GLI3: variants seen among roughly 807,000 people sequenced by gnomAD.
GLI3 encodes transcription activator GLI3.
A neutral mutation model predicts 100.8 loss-of-function variants in GLI3; 20 were observed. That is an observed-to-expected ratio of 0.20 (90% CI 0.14 to 0.29). The LOEUF (loss-of-function observed/expected upper bound fraction) is 0.29. GLI3 is among the 10% of genes least tolerant of loss of function. GLI3 has a pLI of 1.00. For missense variants in GLI3, 2,040 were observed against 2,128.5 expected (o/e 0.96, Z 0.82); for synonymous variants, 938 against 860.5 (o/e 1.09, Z -1.58).
chr7:42,165,213 A>G (rs992328463), intron 2 of GLI3, among the ~76,000 whole-genome samples: 1 of 151,826 alleles, frequency 6.6e-6, no homozygotes, highest in Admixed American at 6.6e-5. Context: ...ATCACTATTG[A>G]GTAGGGTGCG....
chr7:42,189,943 A>C lies in GLI3; in HGVS notation c.124+33187T>G, dbSNP rs553701398. Among the ~76,000 whole-genome samples the C allele has an allele frequency of 8.4e-4, 127 of 151,354 alleles. 1 individual carries two copies. The highest frequency in any genetic ancestry group is 4.4e-3 in the South Asian group (21 of 4,790). ...ATCCTATAATGAACATTCATGCCCA[A>C]GCAACACATATATGTGTGCATGGGC... On this transcript the variant is annotated intron_variant, in intron 2 of 14. Coordinates refer to ENST00000395925, the MANE Select transcript of GLI3 (RefSeq NM_000168.6).
At chr7:42,020,889 CAAAAAAAAAAAAAAA>C (rs371389453) in intron 10 of GLI3, among the ~76,000 whole-genome samples, 17 of 113,110 alleles carry the variant, frequency 1.5e-4, no homozygotes, top group Admixed American at 1.8e-4. Flanking sequence ...GACTCCGTCT[CAAAAAAAAAAAAAAA>C]AAAAAAAAAA....
At chr7:42,148,497 T>C in intron 2 of GLI3, 29 bp from the exon 3 acceptor site, 2 of 1,600,822 alleles carry the variant, frequency 1.2e-6, no homozygotes, top group Admixed American at 1.7e-5. Context: ...TGAAAGACTC[T>C]GTAAACTACT....
At chr7:42,071,693 A>G (rs1043694973) in intron 4 of GLI3, among the ~76,000 whole-genome samples, 2 of 152,190 alleles carry the variant, frequency 1.3e-5, no homozygotes, top group African/African-American at 2.4e-5. Context: ...ACCTTTTCTT[A>G]GAGCTTTTTC....
At chr7:42,164,712 C>A (rs1488054631) in intron 2 of GLI3, among the ~76,000 whole-genome samples, 3 of 151,454 alleles carry the variant, frequency 2.0e-5, no homozygotes, top group Non-Finnish European at 4.4e-5. Flanking sequence ...TGGCTGTAGT[C>A]CCAGCTATTC....
intron 1 of GLI3, among the ~76,000 whole-genome samples, chr7:42,249,907 C>G (rs969599948): frequency 1.3e-5 from 2 of 152,050 alleles, no homozygotes; most frequent in African/African-American, 4.8e-5. Context: ...TCACCCTGGG[C>G]AACATGATGA....
chr7:42,081,348 T>C (rs1294803329), intron 3 of GLI3, among the ~76,000 whole-genome samples: 1 of 152,226 alleles, frequency 6.6e-6, no homozygotes, highest in Non-Finnish European at 1.5e-5. Context: ...TTGACTATTG[T>C]ACCCGAGTCC....
chr7:41,978,769 G>C (rs778570328), intron 10 of GLI3, 21 bp from the exon 11 acceptor site: 1 of 1,610,852 alleles, frequency 6.2e-7, no homozygotes, highest in Non-Finnish European at 8.5e-7. Context: ...GAAAAAGAGA[G>C]AGAAATCAAA....
intron 7 of GLI3, among the ~76,000 whole-genome samples, chr7:42,027,717 C>A (rs1471765879): frequency 1.3e-5 from 2 of 152,172 alleles, no homozygotes; most frequent in African/African-American, 4.8e-5. Flanking sequence ...CCATTTAAGA[C>A]TGAATATCAT....
intron 2 of GLI3, among the ~76,000 whole-genome samples, chr7:42,200,839 T>G (rs1475579480): frequency 6.6e-6 from 1 of 152,064 alleles, no homozygotes; most frequent in Non-Finnish European, 1.5e-5. Context: ...GTGGATTGGT[T>G]AAACCTGAGC....
chr7:42,002,801 T>C (rs1370452352), intron 10 of GLI3, among the ~76,000 whole-genome samples: 1 of 152,234 alleles, frequency 6.6e-6, no homozygotes, highest in Non-Finnish European at 1.5e-5. Flanking sequence ...GCTCTCCCAC[T>C]TACTGGCAAT....
At position 41,998,367 on chromosome 7, in the gene GLI3, T is replaced by A. The variant is rs17777970; in HGVS notation, c.1498-19619A>T. Among the ~76,000 whole-genome samples, 808 of 152,280 alleles carry A rather than the reference T, an allele frequency of 5.3e-3. 20 individuals are homozygous for A. In the East Asian group the frequency reaches 0.06, roughly 11 times the overall value. ...TTATCTGAAGTGTCCAGAAAGCCTG[T>A]AAAAACCATTCAAAAGAAGCCCAAA... On this transcript the variant is annotated intron_variant, in intron 10 of 14. Transcript: ENST00000395925.
intron 1 of GLI3, among the ~76,000 whole-genome samples, chr7:42,249,542 G>C (rs1360687298): frequency 6.6e-6 from 1 of 152,070 alleles, no homozygotes; most frequent in East Asian, 1.9e-4. Flanking sequence ...TTCAAAATTT[G>C]TTTATGCCTT....
intron 12 of GLI3, among the ~76,000 whole-genome samples, chr7:41,973,525 G>C (rs952137281): frequency 1.3e-5 from 2 of 152,130 alleles, no homozygotes; most frequent in African/African-American, 4.8e-5. Context: ...GCTGACCTTT[G>C]GCTCATGACC....
chr7:42,226,232 A>G (rs1277871847), intron 1 of GLI3, among the ~76,000 whole-genome samples: 1 of 152,186 alleles, frequency 6.6e-6, no homozygotes. Flanking sequence ...AAAACTGCAC[A>G]CTGAAACATG....
chr7:42,195,836 A>G (rs939319277), intron 2 of GLI3, among the ~76,000 whole-genome samples: 1 of 152,238 alleles, frequency 6.6e-6, no homozygotes, highest in Non-Finnish European at 1.5e-5. Flanking sequence ...TAAGTATTCA[A>G]TAAATCTGGT....
chr7:42,174,444 C>T (rs1787438224), intron 2 of GLI3, among the ~76,000 whole-genome samples: 1 of 152,206 alleles, frequency 6.6e-6, no homozygotes, highest in African/African-American at 2.4e-5. Flanking sequence ...CACCTTTCAG[C>T]CAGTCCCGCG....
intron 2 of GLI3, among the ~76,000 whole-genome samples, chr7:42,176,701 T>G (rs554442188): frequency 1.3e-5 from 2 of 152,304 alleles, no homozygotes; most frequent in South Asian, 4.1e-4. Flanking sequence ...AAGAAACTAT[T>G]CCCTGAATCT....
rs774445679 is a variant in GLI3 at position 41,968,720 on chromosome 7, GAAAGAAAGAAAGAAAGA to G, written c.2104-814_2104-798del. On this transcript the variant is annotated intron_variant, in intron 13 of 14. Coordinates refer to ENST00000395925, the MANE Select transcript of GLI3 (RefSeq NM_000168.6). ...AAGAAAGAAAGAAAGAAAGAAGAAA[GAAAGAAAGAAAGAAAGA>G]AAGAAAGAAAGAAAGAAAGAAAGAA... Among the ~76,000 whole-genome samples the G allele has an allele frequency of 3.7e-3, 376 of 102,250 alleles. 3 individuals are homozygous for G. Among genetic ancestry groups the G allele is most frequent in the Middle Eastern group, 0.013 (3 of 228 alleles). 67.1% of individuals were successfully genotyped at this position (102,250 alleles called of 152,430 possible).
Sources: allele counts gnomAD v4.1 joint callset (sites outside exome capture counted in the v4.1 genomes callset), GRCh38; gene constraint gnomAD v4.1.1; transcripts MANE v1.5; gene names NCBI Gene and HGNC (gene_info 2026-07-23, HGNC 2026-07-21).